VPS8: variants seen among roughly 807,000 people sequenced by gnomAD.
The protein encoded by VPS8 is VPS8 subunit of CORVET complex, also known as vacuolar protein sorting-associated protein 8 homolog.
In VPS8, 129 loss-of-function variants were observed where a neutral mutation model predicts 216.4. That is an observed-to-expected ratio of 0.60 (90% CI 0.52 to 0.69). VPS8 has a LOEUF of 0.69. Among genes scored for constraint, VPS8 ranks in the 30% least tolerant of loss-of-function variants. The pLI is 0.00. For synonymous variants in VPS8, 571 were observed against 565.4 expected (o/e 1.01, Z -0.14); for missense variants, 1,531 against 1,683.5 (o/e 0.91, Z 1.59).
intron 38 of VPS8, among the ~76,000 whole-genome samples, chr3:184,965,903 A>G (rs916064932): frequency 7.2e-5 from 11 of 152,286 alleles, no homozygotes; most frequent in African/African-American, 2.6e-4. Flanking sequence ...GTATGAGGTA[A>G]CTGAGAGGAA....
chr3:185,009,126 G>C (rs372055678), intron 45 of VPS8, among the ~76,000 whole-genome samples: 6 of 152,130 alleles, frequency 3.9e-5, no homozygotes, highest in African/African-American at 1.4e-4. Flanking sequence ...CTGTAAATTC[G>C]TACATTTCCC....
chr3:184,895,067 C>T (rs1203850482), intron 23 of VPS8, 142 bp downstream of exon 23: 24 of 687,562 alleles, frequency 3.5e-5, no homozygotes, highest in Non-Finnish European at 5.0e-5. Flanking sequence ...GTATTATAAA[C>T]TTGTATTTGT....
At chr3:185,029,278 C>T (rs1019594314) in intron 46 of VPS8, among the ~76,000 whole-genome samples, 1 of 152,162 alleles carries the variant, frequency 6.6e-6, no homozygotes, top group African/African-American at 2.4e-5. Context: ...GAGTGACTGC[C>T]AAAGTGACAT....
At chr3:184,835,049 G>T in intron 5 of VPS8, 1 of 207,596 alleles carries the variant, frequency 4.8e-6, no homozygotes, top group Non-Finnish European at 9.5e-6. Context: ...TTTAGTTGCC[G>T]TCTTGTGTAT....
At chr3:184,955,251 T>C (rs1745378545) in intron 36 of VPS8, among the ~76,000 whole-genome samples, 1 of 152,232 alleles carries the variant, frequency 6.6e-6, no homozygotes, top group African/African-American at 2.4e-5. Flanking sequence ...ACTCTCCTTG[T>C]CCACTTTCAT....
At position 184,955,501 on chromosome 3, in the gene VPS8, G is replaced by C. The variant is rs1028297179; in HGVS notation, c.3036-1873G>C. The stretch of plus-strand genomic sequence containing the variant: ...CATCCTCCTTACCCTGCGCCCCCTC[G>C]TCTTGTATGCAATAAATATCAGCAC... On this transcript the variant is annotated intron_variant, in intron 36 of 47. Coordinates refer to ENST00000625842, the MANE Select transcript of VPS8 (RefSeq NM_001009921.3). 2.0e-5 allele frequency among the ~76,000 whole-genome samples: 3 copies of C among 151,248 alleles called. No homozygotes were observed. In the South Asian group the frequency reaches 6.3e-4, roughly 32 times the overall value.
chr3:184,813,682 T>C (rs1444040388), intron 1 of VPS8: 1 of 152,234 alleles, frequency 6.6e-6, no homozygotes, highest in Non-Finnish European at 1.5e-5. Flanking sequence ...TTTTTCTTTA[T>C]ATTTAATATA....
chr3:184,945,933 G>A (rs541116488), intron 36 of VPS8, among the ~76,000 whole-genome samples: 68 of 152,316 alleles, frequency 4.5e-4, no homozygotes, highest in African/African-American at 1.5e-3. Context: ...TGGTCCTTAC[G>A]TATTGAGTCT....
chr3:184,883,918 G>A (rs559917869), intron 21 of VPS8, among the ~76,000 whole-genome samples: 3 of 152,046 alleles, frequency 2.0e-5, no homozygotes, highest in Non-Finnish European at 4.4e-5. Flanking sequence ...AGACATTCTT[G>A]TATGGTACAT....
rs577039597 is a variant in VPS8, at chr3:184,958,870, A to G, written c.3183+1349A>G. ...TTCTCCAGTTCCCCCATTTTTACCA[A>G]AAATAATCAGAGTAAGTTCAATTGA... is the stretch of plus-strand genomic sequence containing the variant. On this transcript the variant is annotated intron_variant, in intron 37 of 47. Transcript: ENST00000625842. Among the ~76,000 whole-genome samples the G allele has an allele frequency of 3.3e-5, 5 of 152,290 alleles. No homozygotes were observed. In the South Asian group the frequency reaches 1.0e-3, roughly 32 times the overall value.
At chr3:185,005,625 TTTTATTTATTTA>T (rs58712087) in intron 45 of VPS8, among the ~76,000 whole-genome samples, 8 of 150,330 alleles carry the variant, frequency 5.3e-5, no homozygotes, top group Middle Eastern at 3.4e-3. Flanking sequence ...ATTTTATTTA[TTTTATTTATTTA>T]TTTATTTATT....
At chr3:184,985,098 A>G (rs567938939) in intron 42 of VPS8, among the ~76,000 whole-genome samples, 5 of 152,290 alleles carry the variant, frequency 3.3e-5, no homozygotes, top group Admixed American at 1.3e-4. Flanking sequence ...TGATTACTGT[A>G]ATTATGCTAC....
chr3:184,920,300 G>T, intron 29 of VPS8, 102 bp downstream of exon 29: 1 of 763,172 alleles, frequency 1.3e-6, no homozygotes, highest in Non-Finnish European at 1.9e-6. Context: ...GTGGTTTCTT[G>T]GAATCATATC....
intron 25 of VPS8, among the ~76,000 whole-genome samples, chr3:184,912,886 C>T (rs1271175001): frequency 6.6e-6 from 1 of 152,206 alleles, no homozygotes; most frequent in Admixed American, 6.5e-5. Context: ...TGTGGGCGTT[C>T]CCAGTCACTT....
Position 184,850,021 on chromosome 3 carries a change from A to G in VPS8, c.752A>G (p.Lys251Arg). Residue 251 changes from lysine to arginine, a missense_variant and splice_region_variant, in exon 10 of 48, where the codon AAG becomes AGG. Around this residue, in one of 3 missense-constraint regions of VPS8, gnomAD observed 1,318 missense variants for 1,468.4 expected, o/e 0.90. Coordinates refer to ENST00000625842, the MANE Select transcript of VPS8 (RefSeq NM_001009921.3). ...HPPGTAILHI[K>R]FTDDPTLAIC... is the part of the protein sequence containing the mutation. ...CCAGGAACAGCAATATTGCATATCA[A>G]GGTAAGAGCTTTATTTTCTTTTCCT... The G allele has an allele frequency of 1.3e-6, 2 of 1,598,840 alleles. No homozygotes were observed. Among genetic ancestry groups the G allele is most frequent in the Non-Finnish European group, 1.7e-6 (2 of 1,175,646 alleles).
At chr3:185,006,947 C>T (rs1003666909) in intron 45 of VPS8, among the ~76,000 whole-genome samples, 1 of 152,196 alleles carries the variant, frequency 6.6e-6, no homozygotes, top group Non-Finnish European at 1.5e-5. Context: ...ACCCTCAAAA[C>T]TATGGTCATG....
Position 184,900,779 on chromosome 3 carries a change from C to G in VPS8, c.2095-142C>G, listed in dbSNP as rs1018241780. The G allele has an allele frequency of 6.0e-6, 4 of 670,474 alleles. No homozygotes were observed. In the East Asian group the frequency reaches 8.8e-5, roughly 15 times the overall value. The allele number at this position is 670,474 out of a possible 1,614,324, so 41.5% of individuals were successfully genotyped here. A position where few individuals can be genotyped will look rare whatever the true frequency, so the allele number is the denominator to read the frequency against. ...GTGAGCCTTCTAAACATTTCATGTACAGATTAAAGGTTTTCATATTTAATC... is the reference window on the plus strand; with the variant it reads ...GTGAGCCTTCTAAACATTTCATGTAGAGATTAAAGGTTTTCATATTTAATC... On this transcript the variant is annotated intron_variant, in intron 24 of 47. Coordinates refer to ENST00000625842, the MANE Select transcript of VPS8 (RefSeq NM_001009921.3).
At chr3:184,849,364 A>G (rs1723823730) in intron 9 of VPS8, 169 bp downstream of exon 9, 1 of 722,916 alleles carries the variant, frequency 1.4e-6, no homozygotes. Flanking sequence ...ATTTTACATA[A>G]TTGTTATCGA....
chr3:185,034,217 G>A (rs565650161), intron 46 of VPS8, among the ~76,000 whole-genome samples: 180 of 152,280 alleles, frequency 1.2e-3, no homozygotes, highest in Non-Finnish European at 2.2e-3. Flanking sequence ...CAAAGGATGT[G>A]ATTTCTTTTT....
Sources: gnomAD v4.1 joint callset for allele counts (sites outside exome capture counted in the v4.1 genomes callset) on GRCh38, gnomAD v4.1.1 for gene constraint, gnomAD v4.1.1 regional missense constraint, MANE v1.5 for transcripts, NCBI Gene and HGNC (gene_info 2026-07-23, HGNC 2026-07-21) for gene names.